ALG8: variants seen among roughly 807,000 people sequenced by gnomAD.
The protein encoded by ALG8 is ALG8 alpha-1,3-glucosyltransferase.
A neutral mutation model predicts 70.2 loss-of-function variants in ALG8; 48 were observed. That is an observed-to-expected ratio of 0.68 (90% CI 0.54 to 0.87). ALG8 has a LOEUF of 0.87. Ranked by LOEUF, ALG8 falls within the 40% of genes least tolerant of loss-of-function variation. The probability of loss-of-function intolerance (pLI) is 0.00; values close to 1 mark genes in which losing one functional copy is unlikely to be tolerated. For synonymous variants in ALG8, 234 were observed against 229.0 expected (o/e 1.02, Z -0.20); for missense variants, 572 against 608.7 (o/e 0.94, Z 0.64).
chr11:78,133,655 A>T (rs1453574925), intron 1 of ALG8: 1 of 152,132 alleles, frequency 6.6e-6, no homozygotes, highest in Non-Finnish European at 1.5e-5. Context: ...TAATCCCAGC[A>T]CTTTGGAGGC....
At chr11:78,114,036 A>T (rs762991744) in intron 6 of ALG8, 47 bp from the exon 7 acceptor site, 12 of 1,508,702 alleles carry the variant, frequency 8.0e-6, no homozygotes, top group Non-Finnish European at 1.0e-5. Context: ...GGAAAGGAAC[A>T]TTAACCATAA....
At position 78,104,461 on chromosome 11, in the gene ALG8, T is replaced by C. The variant is rs1452600923; in HGVS notation, c.1179-8A>G. The C allele has an allele frequency of 5.7e-6, 9 of 1,565,714 alleles. No individual in the cohort carries two copies. Among genetic ancestry groups the C allele is most frequent in the Non-Finnish European group, 7.8e-6 (9 of 1,154,290 alleles). On this transcript the variant is annotated splice_region_variant and splice_polypyrimidine_tract_variant and intron_variant, in intron 10 of 12. Coordinates refer to ENST00000299626, the MANE Select transcript of ALG8 (RefSeq NM_024079.5). Reference sequence around the variant, plus strand: ...TTTCCCACAGACAAAAGGCTAAAAATAAAAATAATTTCTTAAAACAACAAC... The same window carrying C: ...TTTCCCACAGACAAAAGGCTAAAAACAAAAATAATTTCTTAAAACAACAAC...
intron 5 of ALG8, among the ~76,000 whole-genome samples, chr11:78,116,501 C>T (rs543527531): frequency 2.5e-4 from 38 of 152,144 alleles, no homozygotes; most frequent in African/African-American, 9.2e-4. Flanking sequence ...GGGTGGATCA[C>T]GAAGTCAGGA....
At chr11:78,116,694 T>A (rs1206798703) in intron 5 of ALG8, among the ~76,000 whole-genome samples, 2 of 152,074 alleles carry the variant, frequency 1.3e-5, no homozygotes, top group Non-Finnish European at 2.9e-5. Context: ...TTCTCCAGCC[T>A]GGGTGACACA....
In ALG8 at chr11:78,113,960, A is replaced by G. The variant is rs1352790418; in HGVS notation, c.703T>C (p.Phe235Leu). The part of the protein sequence containing the change: ...DGSIRWKSFS[F>L]VRVISLGLVV... ...AGTCCCAGGGAAATAACACGAACAA[A>G]GCTGAAACTCTTCCATCGAATAGAC... The change falls in exon 7 of 13, where the codon TTT (phenylalanine) becomes CTT (leucine). Residue 235 changes from phenylalanine (F) to leucine (L), a missense_variant. Coordinates refer to ENST00000299626, the MANE Select transcript of ALG8 (RefSeq NM_024079.5). The G allele has an allele frequency of 1.2e-6, 2 of 1,606,976 alleles. No homozygotes were observed. Among genetic ancestry groups the G allele is most frequent in the African/African-American group, 1.3e-5 (1 of 74,932 alleles).
intron 6 of ALG8, 106 bp from the exon 7 acceptor site, chr11:78,114,095 C>A: frequency 7.3e-7 from 1 of 1,360,676 alleles, no homozygotes; most frequent in Non-Finnish European, 1.0e-6. Flanking sequence ...GTATACCAAT[C>A]TATTCATGAT....
intron 1 of ALG8, 66 bp from the exon 2 acceptor site, chr11:78,127,502 G>C (rs1380540895): frequency 5.7e-6 from 8 of 1,400,994 alleles, no homozygotes; most frequent in African/African-American, 1.4e-5. Flanking sequence ...AATTCCCATA[G>C]TTATGCTTTT....
At chr11:78,103,957 A>C in intron 12 of ALG8, 23 bp downstream of exon 12, 2 of 1,321,216 alleles carry the variant, frequency 1.5e-6, no homozygotes, top group Non-Finnish European at 2.2e-6. Context: ...AGTAAGTATA[A>C]TTTTAAACAT....
chr11:78,132,833 ATT>A (rs55934753), intron 1 of ALG8, among the ~76,000 whole-genome samples: 1,637 of 113,898 alleles, frequency 0.014, 33 homozygotes, highest in African/African-American at 0.046. Flanking sequence ...TTCTTCTTCC[ATT>A]TTTTTTTTTT....
intron 7 of ALG8, among the ~76,000 whole-genome samples, chr11:78,113,195 C>T (rs1440074039): frequency 6.6e-6 from 1 of 152,182 alleles, no homozygotes; most frequent in Non-Finnish European, 1.5e-5. Context: ...AACATCTGAA[C>T]ATCTGTTAAA....
At position 78,101,045 on chromosome 11, in the gene ALG8, T is replaced by C; in HGVS notation, c.1500A>G (p.Ala500=). ...TGAACCAAGCATATGTGATGCCTAC[T>C]GCACAATACACTGAGGTTAGTAACA... ...IPLLLTSVYC[A]VGITYAWFKL... Residue 500 remains alanine, a synonymous_variant, in exon 13 of 13, where the codon GCA becomes GCG. Transcript: ENST00000299626. 6.2e-7 allele frequency: 1 copy of C among 1,614,240 alleles called. No individual in the cohort carries two copies. The highest frequency in any genetic ancestry group is 8.5e-7 in the Non-Finnish European group (1 of 1,180,044).
At position 78,109,566 on chromosome 11, in the gene ALG8, A is replaced by C; in HGVS notation, c.914T>G (p.Phe305Cys). The C allele has an allele frequency of 6.2e-7, 1 of 1,614,040 alleles. No individual in the cohort carries two copies. Among genetic ancestry groups the C allele is most frequent in the Non-Finnish European group, 8.5e-7 (1 of 1,179,904 alleles). The stretch of plus-strand genomic sequence containing the variant: ...CTTGGGAATATTGTTGGGATCAAGA[A>C]ATTTCAATTTCAAACCTATTAAACA... ...VLSVIGLKLKFLDPNNIPKAS... is the reference protein window; with the variant it reads ...VLSVIGLKLKCLDPNNIPKAS... Residue 305 changes from phenylalanine (F) to cysteine (C), a missense_variant, in exon 9 of 13, where the codon TTT becomes TGT. Transcript: ENST00000299626.
intron 3 of ALG8, among the ~76,000 whole-genome samples, chr11:78,123,199 G>A (rs989766571): frequency 7.2e-5 from 11 of 151,728 alleles, no homozygotes; most frequent in Admixed American, 6.6e-4. Flanking sequence ...CAAGCTACTT[G>A]GGAGGCTGAG....
intron 10 of ALG8, among the ~76,000 whole-genome samples, chr11:78,106,432 C>T (rs1430050431): frequency 1.3e-5 from 2 of 152,134 alleles, no homozygotes; most frequent in Non-Finnish European, 2.9e-5. Context: ...CTCCTGACCT[C>T]GTGATCTGCC....
chr11:78,115,518 G>T (rs1240488258), intron 5 of ALG8, among the ~76,000 whole-genome samples: 1 of 151,770 alleles, frequency 6.6e-6, no homozygotes, highest in African/African-American at 2.4e-5. Flanking sequence ...AAGTAGCTGG[G>T]ATTACAAGTG....
rs1364850742 is a variant in ALG8 at position 78,109,473 on chromosome 11, G to A, written c.1007C>T (p.Ala336Val). ...HTVLPSVTPL[A>V]TLICTLIAIL... ...GGCAATCAGTGTGCAGATGAGGGTT[G>A]CCAAGGGAGTCACTGAGGGAAGGAC... Residue 336 changes from alanine to valine, a missense_variant, in exon 9 of 13, where the codon GCA becomes GTA. Coordinates refer to ENST00000299626, the MANE Select transcript of ALG8 (RefSeq NM_024079.5). The A allele has an allele frequency of 6.2e-7, 1 of 1,614,048 alleles. No homozygotes were observed. The highest frequency in any genetic ancestry group is 8.5e-7 in the Non-Finnish European group (1 of 1,180,022).
At chr11:78,133,676 G>A (rs937571410) in intron 1 of ALG8, among the ~76,000 whole-genome samples, 13 of 152,192 alleles carry the variant, frequency 8.5e-5, no homozygotes, top group African/African-American at 2.9e-4. Flanking sequence ...CGAGGCGGGC[G>A]GATCACGAGG....
At chr11:78,121,037 G>A in intron 4 of ALG8, 28 bp downstream of exon 4, 1 of 1,524,066 alleles carries the variant, frequency 6.6e-7, no homozygotes, top group Non-Finnish European at 9.1e-7. Context: ...AATTAGTAAG[G>A]GAATAGTACA....
chr11:78,138,243 G>A (rs942386658), intron 1 of ALG8, among the ~76,000 whole-genome samples: 75 of 151,898 alleles, frequency 4.9e-4, no homozygotes, highest in African/African-American at 1.7e-3. Context: ...CAGCTACTCC[G>A]GAGGCTGAGG....
Sources: gnomAD v4.1 joint callset for allele counts (sites outside exome capture counted in the v4.1 genomes callset) on GRCh38, gnomAD v4.1.1 for gene constraint, MANE v1.5 for transcripts, NCBI Gene and HGNC (gene_info 2026-07-23, HGNC 2026-07-21) for gene names.